DPYD: variants seen among roughly 807,000 people sequenced by gnomAD.
The protein encoded by DPYD is dihydropyrimidine dehydrogenase.
In DPYD, 109 loss-of-function variants were observed where a neutral mutation model predicts 116.2. The observed-to-expected ratio is 0.94, with a 90% CI of 0.80 to 1.10. DPYD has a LOEUF of 1.10. Ranked by LOEUF, DPYD falls within the 50% of genes least tolerant of loss-of-function variation. The probability of loss-of-function intolerance (pLI) is 0.00; values close to 1 mark genes in which losing one functional copy is unlikely to be tolerated. For missense variants in DPYD, 1,302 were observed against 1,254.5 expected, an observed-to-expected ratio of 1.04 and a Z score of -0.57; for synonymous variants, 440 against 432.0, an observed-to-expected ratio of 1.02 and a Z score of -0.23.
At chr1:97,359,056 A>C (rs1365936221) in intron 16 of DPYD, among the ~76,000 whole-genome samples, 1 of 152,156 alleles carries the variant, frequency 6.6e-6, no homozygotes, top group East Asian at 1.9e-4. Context: ...AGGAAGCTTA[A>C]AACCTTGAAA....
At chr1:97,227,219 C>T (rs1035571469) in intron 19 of DPYD, among the ~76,000 whole-genome samples, 42 of 148,810 alleles carry the variant, frequency 2.8e-4, no homozygotes, top group African/African-American at 8.9e-4. Context: ...CAGCTCTACT[C>T]GGGAGGCTGA....
intron 2 of DPYD, among the ~76,000 whole-genome samples, chr1:97,853,874 T>C (rs1670685108): frequency 6.6e-6 from 1 of 152,090 alleles, no homozygotes; most frequent in South Asian, 2.1e-4. Flanking sequence ...AATAAACCAG[T>C]CCATGTGGAG....
intron 13 of DPYD, among the ~76,000 whole-genome samples, chr1:97,452,949 C>T (rs1275574002): frequency 6.6e-6 from 1 of 152,056 alleles, no homozygotes; most frequent in East Asian, 1.9e-4. Context: ...ATTCAAAGTT[C>T]AGGATTTATT....
At position 97,398,680 on chromosome 1, in the gene DPYD, A is replaced by T. The variant is rs1036909666; in HGVS notation, c.1906-16219T>A. ...GTATCTCATTGTGGTTTTGATTTGC[A>T]TTTCTCTGATGGCCAGTGATGATGA... On this transcript the variant is annotated intron_variant, in intron 14 of 22. Transcript: ENST00000370192. Among the ~76,000 whole-genome samples, 85 of 152,062 alleles carry T rather than the reference A, an allele frequency of 5.6e-4. 1 individual carries two copies. Among genetic ancestry groups the T allele is most frequent in the Non-Finnish European group, 6.3e-4 (43 of 68,010 alleles).
At position 97,549,726 on chromosome 1, in the gene DPYD, G is replaced by T. The variant is rs144395748; in HGVS notation, c.1358C>A (p.Pro453His). The T allele has an allele frequency of 1.2e-6, 2 of 1,613,564 alleles. No homozygotes were observed. The highest frequency in any genetic ancestry group is 1.7e-6 in the Non-Finnish European group (2 of 1,179,762). The part of the protein sequence containing the change: ...SDPKVKEALS[P>H]IKFNRWGLPE... ...GAGACCCCATCTGTTAAATTTTATAGGGCTCAAGGCTTCTTTTACTGAAAA... is the reference window on the plus strand; with the variant it reads ...GAGACCCCATCTGTTAAATTTTATATGGCTCAAGGCTTCTTTTACTGAAAA... The change falls in exon 12 of 23, where the codon CCT becomes CAT. Residue 453 changes from proline (P) to histidine (H), a missense_variant. Coordinates refer to ENST00000370192, the MANE Select transcript of DPYD (RefSeq NM_000110.4).
intron 10 of DPYD, among the ~76,000 whole-genome samples, chr1:97,583,912 C>A (rs1278300180): frequency 6.6e-6 from 1 of 152,062 alleles, no homozygotes; most frequent in Non-Finnish European, 1.5e-5. Flanking sequence ...GATTTATAAT[C>A]CTTTGGGTAT....
chr1:97,477,604 C>CTTTTTTTTTTTTT (rs56199931), intron 13 of DPYD, among the ~76,000 whole-genome samples: 4 of 113,676 alleles, frequency 3.5e-5, no homozygotes, highest in African/African-American at 1.4e-4. Flanking sequence ...GACTGTTCTT[C>CTTTTTTTTTTTTT]TTTTTTTTTT....
chr1:97,318,721 C>G (rs1201917856), intron 16 of DPYD, among the ~76,000 whole-genome samples: 2 of 149,488 alleles, frequency 1.3e-5, no homozygotes, highest in African/African-American at 4.9e-5. Flanking sequence ...CAGCTCTGCA[C>G]CAAGCGGACC....
intron 12 of DPYD, among the ~76,000 whole-genome samples, chr1:97,537,363 G>C (rs1650084990): frequency 6.6e-6 from 1 of 152,032 alleles, no homozygotes; most frequent in South Asian, 2.1e-4. Context: ...TAGTAAATAT[G>C]CCATTATTAA....
chr1:97,691,118 A>C (rs1660987935), intron 7 of DPYD: 1 of 152,584 alleles, frequency 6.6e-6, no homozygotes, highest in Non-Finnish European at 1.5e-5. Context: ...TAATGCTCTT[A>C]ACAGAAAAGA....
At chr1:97,523,582 G>A (rs544468234) in intron 12 of DPYD, among the ~76,000 whole-genome samples, 26 of 151,862 alleles carry the variant, frequency 1.7e-4, no homozygotes, top group Admixed American at 1.6e-3. Flanking sequence ...CTCCCTCCCC[G>A]CCCTTTCTAA....
At chr1:97,840,741 C>T (rs1476990003) in intron 2 of DPYD, among the ~76,000 whole-genome samples, 1 of 152,026 alleles carries the variant, frequency 6.6e-6, no homozygotes, top group African/African-American at 2.4e-5. Context: ...CTAGGCCTGG[C>T]CACTTTCCAA....
chr1:97,228,732 G>A (rs572607872), intron 19 of DPYD, among the ~76,000 whole-genome samples: 23 of 152,178 alleles, frequency 1.5e-4, no homozygotes, highest in Non-Finnish European at 2.9e-4. Context: ...TTTCACTTGT[G>A]AATAGAAATC....
intron 18 of DPYD, among the ~76,000 whole-genome samples, chr1:97,253,756 T>C (rs1388531859): frequency 6.6e-6 from 1 of 152,156 alleles, no homozygotes; most frequent in Non-Finnish European, 1.5e-5. Flanking sequence ...TTTTCAACTT[T>C]TCTGTAAGTC....
intron 8 of DPYD, among the ~76,000 whole-genome samples, chr1:97,647,480 G>T (rs141525653): frequency 6.6e-6 from 1 of 151,966 alleles, no homozygotes; most frequent in South Asian, 2.1e-4. Context: ...TTATTCTAAT[G>T]TAATAAATAT....
intron 3 of DPYD, among the ~76,000 whole-genome samples, chr1:97,746,330 T>G (rs1386957514): frequency 6.6e-6 from 1 of 152,130 alleles, no homozygotes; most frequent in African/African-American, 2.4e-5. Context: ...ATACTTTTAT[T>G]AGCATATTCT....
intron 3 of DPYD, among the ~76,000 whole-genome samples, chr1:97,815,785 T>C (rs1444364310): frequency 6.6e-6 from 1 of 152,204 alleles, no homozygotes; most frequent in African/African-American, 2.4e-5. Context: ...AGTATGAAGA[T>C]GTAAATAACC....
chr1:97,807,277 C>A (rs1295946422), intron 3 of DPYD, among the ~76,000 whole-genome samples: 2 of 152,018 alleles, frequency 1.3e-5, no homozygotes, highest in African/African-American at 4.8e-5. Flanking sequence ...GCATTCCCAG[C>A]AAAAATGAAT....
At chr1:97,573,544 G>T (rs1007434643) in intron 11 of DPYD, among the ~76,000 whole-genome samples, 1 of 152,052 alleles carries the variant, frequency 6.6e-6, no homozygotes, top group Admixed American at 6.6e-5. Context: ...TTAAAAGAAA[G>T]ATTAATGTTC....
Sources: allele counts gnomAD v4.1 joint callset (sites outside exome capture counted in the v4.1 genomes callset), GRCh38; gene constraint gnomAD v4.1.1; transcripts MANE v1.5; gene names NCBI Gene and HGNC (gene_info 2026-07-23, HGNC 2026-07-21).